The following DGKB variants were observed in gnomAD, a reference collection of about 807,000 sequenced individuals.
The protein encoded by DGKB is diacylglycerol kinase beta.
In DGKB, 67 loss-of-function variants were observed where a neutral mutation model predicts 114.3. That is an observed-to-expected ratio of 0.59 (90% confidence interval 0.48 to 0.72). DGKB has a LOEUF of 0.72. Among genes scored for constraint, DGKB ranks in the 30% least tolerant of loss-of-function variants. The pLI is 0.00. For missense variants in DGKB, 907 were observed against 975.2 expected, an observed-to-expected ratio of 0.93 and a Z score of 0.93; for synonymous variants, 398 against 323.1, an observed-to-expected ratio of 1.23 and a Z score of -2.49.
intron 9 of DGKB, among the ~76,000 whole-genome samples, chr7:14,693,015 C>A (rs925465360): frequency 5.3e-5 from 8 of 152,194 alleles, no homozygotes; most frequent in African/African-American, 1.9e-4. Context: ...GTTTCACAAA[C>A]ACAGACAGTA....
At chr7:14,661,380 A>G (rs1423508014) in intron 13 of DGKB, among the ~76,000 whole-genome samples, 4 of 144,932 alleles carry the variant, frequency 2.8e-5, no homozygotes, top group Non-Finnish European at 4.5e-5. Flanking sequence ...CAACCCCATC[A>G]AAAAGTGGGC....
chr7:14,736,184 A>T lies in DGKB; in HGVS notation c.179T>A (p.Phe60Tyr). The T allele has an allele frequency of 6.5e-7, 1 of 1,542,578 alleles. No individual in the cohort carries two copies. The highest frequency in any genetic ancestry group is 1.7e-4 in the Middle Eastern group (1 of 5,880). Residue 60 changes from phenylalanine to tyrosine, a missense_variant, in exon 5 of 26, where the codon TTT becomes TAT. Physicochemically the swap from Phe to Tyr is conservative, Grantham distance 22. Transcript: ENST00000402815. ...CTTCATGAATAGTTTGAAACCTTCA[A>T]AATCTATTGTCTGGAAAAAAAAAAT... The part of the protein sequence containing the change: ...KQDILNQTID[F>Y]EGFKLFMKTF...
At chr7:14,623,207 T>C (rs578211635) in intron 14 of DGKB, among the ~76,000 whole-genome samples, 61 of 152,234 alleles carry the variant, frequency 4.0e-4, no homozygotes, top group Non-Finnish European at 5.1e-4. Context: ...ATGTGAAAAA[T>C]TGTCCTAATT....
At chr7:14,967,084 G>C (rs1247683889) in intron 1 of DGKB, among the ~76,000 whole-genome samples, 2 of 152,016 alleles carry the variant, frequency 1.3e-5, no homozygotes, top group Non-Finnish European at 2.9e-5. Context: ...GGTAGTTATT[G>C]GTTCACTTTA....
intron 1 of DGKB, among the ~76,000 whole-genome samples, chr7:14,957,791 A>G (rs1786596931): frequency 6.6e-6 from 1 of 152,006 alleles, no homozygotes; most frequent in African/African-American, 2.4e-5. Flanking sequence ...TATTTCATAT[A>G]GTGTACCTGA....
At chr7:14,582,997 A>G in intron 18 of DGKB, 55 bp downstream of exon 18, 1 of 1,117,860 alleles carries the variant, frequency 8.9e-7, no homozygotes, top group African/African-American at 1.5e-5. Context: ...TAGATGAAAC[A>G]GGATTTAAAG....
intron 5 of DGKB, among the ~76,000 whole-genome samples, chr7:14,730,716 T>C (rs12154918): frequency 6.6e-6 from 1 of 152,022 alleles, no homozygotes; most frequent in South Asian, 2.1e-4. Flanking sequence ...TCATAAAGGT[T>C]ACTTCAGGTG....
chr7:14,580,281 G>C (rs549980465), intron 19 of DGKB, among the ~76,000 whole-genome samples: 31 of 152,192 alleles, frequency 2.0e-4, no homozygotes, highest in African/African-American at 7.0e-4. Flanking sequence ...CCTCAGTGAG[G>C]TCTTTCCCTA....
intron 13 of DGKB, among the ~76,000 whole-genome samples, chr7:14,670,082 T>C (rs1554586889): frequency 6.6e-6 from 1 of 152,114 alleles, no homozygotes; most frequent in Non-Finnish European, 1.5e-5. Flanking sequence ...AATAAAGGCC[T>C]ATTTGATCTA....
intron 1 of DGKB, among the ~76,000 whole-genome samples, chr7:14,853,008 G>A (rs1849612752): frequency 6.6e-6 from 1 of 152,068 alleles, no homozygotes; most frequent in East Asian, 1.9e-4. Flanking sequence ...TCAGTAACGA[G>A]CACTTCCTGG....
chr7:14,722,550 A>G (rs778716089), intron 5 of DGKB, among the ~76,000 whole-genome samples: 2 of 152,186 alleles, frequency 1.3e-5, no homozygotes, highest in Non-Finnish European at 2.9e-5. Flanking sequence ...ACCGGAACTC[A>G]TGCCTGCAAT....
At chr7:14,177,442 G>A (rs1447716207) in intron 24 of DGKB, among the ~76,000 whole-genome samples, 1 of 150,846 alleles carries the variant, frequency 6.6e-6, no homozygotes, top group Non-Finnish European at 1.5e-5. Context: ...TGTAATCCCA[G>A]ATACTCGGGA....
At chr7:14,787,383 C>G (rs1029133336) in intron 2 of DGKB, among the ~76,000 whole-genome samples, 9 of 152,146 alleles carry the variant, frequency 5.9e-5, no homozygotes, top group Non-Finnish European at 1.2e-4. Context: ...CCCTATCAAA[C>G]AGAATAAAAA....
At position 14,623,235 on chromosome 7, in the gene DGKB, A is replaced by T. The variant is rs958011971; in HGVS notation, c.1168-1741T>A. Among the ~76,000 whole-genome samples the T allele has an allele frequency of 9.9e-5, 15 of 152,204 alleles. No homozygotes were observed. The East Asian group carries it at 2.5e-3, about 25-fold the overall frequency. On this transcript the variant is annotated intron_variant, in intron 14 of 25. Coordinates refer to ENST00000402815, the MANE Select transcript of DGKB (RefSeq NM_001350709.2). ...TCCTAATTGATTGGCAATGCATGCCATGGGTGCTTAAGTGCTTTAGTGCCA... is the reference window on the plus strand; with the variant it reads ...TCCTAATTGATTGGCAATGCATGCCTTGGGTGCTTAAGTGCTTTAGTGCCA...
At chr7:14,432,221 G>A (rs941094144) in intron 21 of DGKB, among the ~76,000 whole-genome samples, 1 of 152,078 alleles carries the variant, frequency 6.6e-6, no homozygotes, top group Non-Finnish European at 1.5e-5. Context: ...ATTTCCCTTT[G>A]TAACTGTCTG....
chr7:14,490,995 C>T (rs1471744440), intron 20 of DGKB, among the ~76,000 whole-genome samples: 3 of 151,062 alleles, frequency 2.0e-5, no homozygotes, highest in Admixed American at 6.6e-5. Context: ...TAATGTTTGC[C>T]CTTTAGAAAG....
chr7:14,660,823 C>A (rs965060545), intron 13 of DGKB, among the ~76,000 whole-genome samples: 3 of 152,018 alleles, frequency 2.0e-5, no homozygotes, highest in Non-Finnish European at 4.4e-5. Context: ...GCTACAGTAA[C>A]CCAAACAGCA....
At chr7:14,618,115 G>GAC (rs1255626900) in intron 15 of DGKB, among the ~76,000 whole-genome samples, 3 of 133,484 alleles carry the variant, frequency 2.2e-5, no homozygotes, top group East Asian at 3.5e-4. Context: ...ATGAGCAAAG[G>GAC]ACATACACAC....
At chr7:14,602,082 A>G (rs974799483) in intron 17 of DGKB, among the ~76,000 whole-genome samples, 4 of 152,130 alleles carry the variant, frequency 2.6e-5, no homozygotes, top group Non-Finnish European at 5.9e-5. Flanking sequence ...ACTCCTTAGT[A>G]CCAATTCTGT....
Sources: allele counts gnomAD v4.1 joint callset (sites outside exome capture counted in the v4.1 genomes callset), GRCh38; gene constraint gnomAD v4.1.1; transcripts MANE v1.5; gene names NCBI Gene and HGNC (gene_info 2026-07-23, HGNC 2026-07-21).